The following NOD1 variants were observed in gnomAD, a reference collection of about 807,000 sequenced individuals.
NOD1 encodes nucleotide-binding oligomerization domain-containing protein 1.
Under a neutral mutation model 81.2 loss-of-function variants are expected in NOD1, and 70 were observed. That is an observed-to-expected ratio of 0.86 (90% CI 0.71 to 1.05). The LOEUF is 1.05. NOD1 is among the 50% of genes least tolerant of loss of function. The pLI, the probability that NOD1 is intolerant of heterozygous loss-of-function variation, is 0.00. For synonymous variants in NOD1, 508 were observed against 526.9 expected (o/e 0.96, Z 0.49); for missense variants, 1,233 against 1,228.0 (o/e 1.00, Z -0.06).
chr7:30,471,791 A>G (rs1788300972), intron 1 of NOD1, among the ~76,000 whole-genome samples: 1 of 152,156 alleles, frequency 6.6e-6, no homozygotes, highest in Non-Finnish European at 1.5e-5. Context: ...CCTGTTTCTA[A>G]AGAGCCAGGA....
In NOD1 at chr7:30,452,715, A is replaced by C; in HGVS notation, c.702T>G (p.Phe234Leu). Residue 234 changes from phenylalanine to leucine, a missense_variant, in exon 6 of 14, where the codon TTT becomes TTG. Phe to Leu is a conservative substitution (Grantham distance 22, BLOSUM62 0). Transcript: ENST00000222823. ...LDAGVKFFFHFRCRMFSCFKE... is the reference protein window; with the variant it reads ...LDAGVKFFFHLRCRMFSCFKE... ...TGAAGCAGCTGAACATGCGGCAGCG[A>C]AAGTGGAAGAAGAATTTGACCCCTG... 6.2e-7 allele frequency: 1 copy of C among 1,613,942 alleles called. No homozygotes were observed. The highest frequency in any genetic ancestry group is 8.5e-7 in the Non-Finnish European group (1 of 1,180,046).
At position 30,426,215 on chromosome 7, in the gene NOD1, G is replaced by A. The variant is rs538460364; in HGVS notation, c.2790-505C>T. Among the ~76,000 whole-genome samples, 31 of 152,052 alleles carry A rather than the reference G, an allele frequency of 2.0e-4. No homozygotes were observed. The South Asian group carries it at 5.2e-3, about 25-fold the overall frequency. On this transcript the variant is annotated intron_variant, in intron 13 of 13. Coordinates refer to ENST00000222823, the MANE Select transcript of NOD1 (RefSeq NM_006092.4). ...ATGCCACGGCCTTGTTTGTATGTCC[G>A]TGGAGGCAGTTACCTGCTTGGCATC...
At chr7:30,426,740 C>T (rs770064947) in intron 13 of NOD1, among the ~76,000 whole-genome samples, 6 of 152,156 alleles carry the variant, frequency 3.9e-5, no homozygotes, top group Non-Finnish European at 7.3e-5. Context: ...CCCTCTTCCA[C>T]ACTGTCTGAA....
intron 1 of NOD1, among the ~76,000 whole-genome samples, chr7:30,470,848 G>A (rs1207384922): frequency 1.3e-5 from 2 of 152,162 alleles, no homozygotes; most frequent in Non-Finnish European, 2.9e-5. Context: ...AGTGGAAACC[G>A]GTTTCCTGGA....
chr7:30,465,490 T>G (rs894848865), intron 1 of NOD1, among the ~76,000 whole-genome samples: 7 of 152,194 alleles, frequency 4.6e-5, no homozygotes, highest in Non-Finnish European at 1.5e-5. Flanking sequence ...CCATTGTGAC[T>G]ATGAGCGCCT....
intron 4 of NOD1, among the ~76,000 whole-genome samples, chr7:30,456,091 CA>C (rs1302512690): frequency 2.6e-5 from 4 of 152,254 alleles, no homozygotes; most frequent in Admixed American, 2.0e-4. Context: ...GAGAACAAAG[CA>C]CACGAGTGTG....
At chr7:30,468,792 T>C in intron 1 of NOD1, 1 of 981,698 alleles carries the variant, frequency 1.0e-6, no homozygotes, top group Non-Finnish European at 1.2e-6. Context: ...TGACTTCTCT[T>C]GAATATGATT....
chr7:30,454,654 A>G (rs1786151657), intron 5 of NOD1, among the ~76,000 whole-genome samples: 1 of 152,070 alleles, frequency 6.6e-6, no homozygotes, highest in African/African-American at 2.4e-5. Context: ...TTTTTTAGAG[A>G]CAGGGTCTCA....
At position 30,448,398 on chromosome 7, in the gene NOD1, A is replaced by G; in HGVS notation, c.2202-17T>C. 1.2e-6 allele frequency: 2 copies of G among 1,606,084 alleles called. No homozygotes were observed. Among genetic ancestry groups the G allele is most frequent in the Non-Finnish European group, 1.7e-6 (2 of 1,172,580 alleles). On this transcript the variant is annotated splice_polypyrimidine_tract_variant and intron_variant, in intron 6 of 13. Coordinates refer to ENST00000222823, the MANE Select transcript of NOD1 (RefSeq NM_006092.4). ...ACGCTGAGTCTGAAATAAAACAGCA[A>G]AAAAATTACGAGTCAGGGCAGGCAC...
chr7:30,456,942 A>G lies in NOD1; in HGVS notation c.-21T>C. On this transcript the variant is annotated 5_prime_UTR_variant, in exon 4 of 14. Coordinates refer to ENST00000222823, the MANE Select transcript of NOD1 (RefSeq NM_006092.4). ...TCCATAGTTAAAGTAGCAAGCGGCT[A>G]CTTTTCCCAAATTCATCTTCAGCTG... The G allele has an allele frequency of 6.2e-7, 1 of 1,609,034 alleles. No individual in the cohort carries two copies. The highest frequency in any genetic ancestry group is 8.5e-7 in the Non-Finnish European group (1 of 1,175,456).
At chr7:30,459,357 G>A (rs1583816147) in intron 2 of NOD1, 117 bp from the exon 3 acceptor site, 1 of 152,522 alleles carries the variant, frequency 6.6e-6, no homozygotes, top group South Asian at 2.1e-4. Context: ...ACTACTCTCT[G>A]TACCTTCTTC....
Position 30,455,167 on chromosome 7 carries a change from G to A in NOD1, c.346C>T (p.Gln116Ter). ...EIGFSPSLLT[Q>*]SKVVVNTDPV... ...TCAGTGTTGACCACGACTTTGCTCTGAGTGAGCAGGGAAGGGGAGAAGCCG... is the reference window on the plus strand; with the variant it reads ...TCAGTGTTGACCACGACTTTGCTCTAAGTGAGCAGGGAAGGGGAGAAGCCG... The change falls in exon 5 of 14, where the codon CAG (glutamine) becomes TAG (stop). Residue 116 changes from glutamine to a stop codon, truncating the protein, a stop_gained. Transcript: ENST00000222823. LOFTEE classifies it high-confidence loss of function. 2 of 1,614,070 alleles carry A rather than the reference G, an allele frequency of 1.2e-6. No homozygotes were observed. Among genetic ancestry groups the A allele is most frequent in the East Asian group, 4.5e-5 (2 of 44,882 alleles).
intron 1 of NOD1, among the ~76,000 whole-genome samples, chr7:30,468,631 CCCTGCCTACCTCATGTAGGTA>C (rs1207373692): frequency 6.6e-6 from 1 of 152,180 alleles, no homozygotes; most frequent in Non-Finnish European, 1.5e-5. Context: ...AGCCATCATT[CCCTGCCTACCTCATGTAGGTA>C]CCTGCCTACC....
intron 13 of NOD1, among the ~76,000 whole-genome samples, chr7:30,426,375 C>T (rs932480841): frequency 1.3e-5 from 2 of 151,556 alleles, no homozygotes; most frequent in Non-Finnish European, 1.5e-5. Flanking sequence ...CCTTCTCATC[C>T]CCATGTTCCT....
At chr7:30,433,001 CT>C (rs1784073155) in intron 12 of NOD1, 94 bp downstream of exon 12, 1 of 949,598 alleles carries the variant, frequency 1.1e-6, no homozygotes, top group Non-Finnish European at 1.6e-6. Flanking sequence ...GAATTGTATA[CT>C]TTAAGAGAGT....
intron 12 of NOD1, among the ~76,000 whole-genome samples, chr7:30,431,285 C>T (rs1240452859): frequency 6.6e-6 from 1 of 152,194 alleles, no homozygotes; most frequent in Non-Finnish European, 1.5e-5. Context: ...AGAGTCTAGT[C>T]TTTTTGCAGA....
At chr7:30,448,026 C>T (rs940021674) in intron 7 of NOD1, 2 of 439,020 alleles carry the variant, frequency 4.6e-6, no homozygotes, top group Admixed American at 3.7e-5. Flanking sequence ...AATATATCCC[C>T]TTATATTCTC....
At chr7:30,472,691 C>G (rs1044270469) in intron 1 of NOD1, among the ~76,000 whole-genome samples, 1 of 152,210 alleles carries the variant, frequency 6.6e-6, no homozygotes, top group Admixed American at 6.5e-5. Context: ...GATTAGTGCC[C>G]TTATAGCAAG....
chr7:30,446,089 C>A (rs992402389), intron 9 of NOD1, 52 bp downstream of exon 9: 64 of 1,374,152 alleles, frequency 4.7e-5, no homozygotes, highest in Non-Finnish European at 5.9e-5. Context: ...CAAGGCCCGC[C>A]CCCCACACAC....
Sources: gnomAD v4.1 joint callset for allele counts (sites outside exome capture counted in the v4.1 genomes callset) on GRCh38, gnomAD v4.1.1 for gene constraint, MANE v1.5 for transcripts, NCBI Gene and HGNC (gene_info 2026-07-23, HGNC 2026-07-21) for gene names.